Variants in PRKCD observed in about 807,000 individuals in gnomAD.
PRKCD encodes protein kinase C delta, also known as protein kinase C delta type.
In PRKCD, 20 loss-of-function variants were observed where a neutral mutation model predicts 82.2. The observed-to-expected ratio is 0.24, with a 90% CI of 0.17 to 0.35. The LOEUF is 0.35. Among genes scored for constraint, PRKCD ranks in the 10% least tolerant of loss-of-function variants. PRKCD has a pLI of 1.00. For missense variants in PRKCD, 607 were observed against 899.0 expected, an observed-to-expected ratio of 0.68 and a Z score of 4.15; for synonymous variants, 317 against 337.0, an observed-to-expected ratio of 0.94 and a Z score of 0.65.
intron 12 of PRKCD, 36 bp downstream of exon 12, chr3:53,186,063 C>G: frequency 1.9e-6 from 3 of 1,612,732 alleles, no homozygotes; most frequent in East Asian, 2.2e-5. Flanking sequence ...CTTCCCACCC[C>G]ACCCTGGCTT....
At chr3:53,179,062 C>T (rs1048170943) in intron 3 of PRKCD, among the ~76,000 whole-genome samples, 1 of 152,222 alleles carries the variant, frequency 6.6e-6, no homozygotes, top group East Asian at 1.9e-4. Flanking sequence ...CCTCAGGTCT[C>T]GGCTGAACTG....
intron 15 of PRKCD, 22 bp downstream of exon 15, chr3:53,187,424 GGGCTCTTGGGAGGGGA>G: frequency 6.2e-7 from 1 of 1,612,500 alleles, no homozygotes; most frequent in Non-Finnish European, 8.5e-7. Context: ...AGGGCAGCGG[GGGCTCTTGGGAGGGGA>G]GGCTCCAGCC....
At chr3:53,185,512 A>T in intron 10 of PRKCD, 92 bp from the exon 11 acceptor site, 2 of 1,050,964 alleles carry the variant, frequency 1.9e-6, no homozygotes, top group Non-Finnish European at 2.9e-6. Flanking sequence ...CTTGGTGTTA[A>T]GGGTGGAGTT....
chr3:53,172,540 C>T (rs1328998241), intron 2 of PRKCD, among the ~76,000 whole-genome samples: 1 of 152,218 alleles, frequency 6.6e-6, no homozygotes, highest in African/African-American at 2.4e-5. Flanking sequence ...GCAGAGTCTG[C>T]ATCCTTAGGA....
In PRKCD at chr3:53,183,181, C is replaced by A; in HGVS notation, c.632C>A (p.Thr211Asn). The part of the protein sequence containing the change: ...IDKIIGRCTG[T>N]AANSRDTIFQ... ...AAGATCATCGGCAGATGCACTGGCA[C>A]CGCGGCCAACAGCCGGGACACTATA... Residue 211 changes from threonine (T) to asparagine (N), a missense_variant, in exon 8 of 19, where the codon ACC becomes AAC. This residue lies in a region of PRKCD where 109 missense variants were observed against 155.6 expected (regional missense o/e 0.70). Coordinates refer to ENST00000330452, the MANE Select transcript of PRKCD (RefSeq NM_006254.4). 1 of 1,614,236 alleles carries A rather than the reference C, an allele frequency of 6.2e-7. No homozygotes were observed. The highest frequency in any genetic ancestry group is 8.5e-7 in the Non-Finnish European group (1 of 1,180,032).
chr3:53,179,471 C>A (rs782737013), intron 3 of PRKCD, 106 bp from the exon 4 acceptor site: 1 of 1,463,700 alleles, frequency 6.8e-7, no homozygotes, highest in Non-Finnish European at 9.6e-7. Context: ...AGCAGGCCCT[C>A]AAGGCAGGAG....
Position 53,184,955 on chromosome 3 carries a change from C to T in PRKCD, c.869C>T (p.Ala290Val), listed in dbSNP as rs1186631774. 1.9e-6 allele frequency: 3 copies of T among 1,613,880 alleles called. No homozygotes were observed. The highest frequency in any genetic ancestry group is 1.3e-5 in the African/African-American group (1 of 74,912). Residue 290 changes from alanine (A) to valine (V), a missense_variant, in exon 10 of 19, where the codon GCC (alanine) becomes GTC (valine). By Grantham distance (64) the Ala-to-Val change is moderately conservative. Coordinates refer to ENST00000330452, the MANE Select transcript of PRKCD (RefSeq NM_006254.4). ...ATCAACCAGAAGCTTTTGGCTGAGG[C>T]CTTGAACCAAGTCACCCAGGTGGGC... ...CGINQKLLAE[A>V]LNQVTQRASR...
intron 2 of PRKCD, among the ~76,000 whole-genome samples, chr3:53,172,235 G>T (rs1703057133): frequency 6.6e-6 from 1 of 152,038 alleles, no homozygotes; most frequent in South Asian, 2.1e-4. Context: ...TCCTCTTGCT[G>T]AGCCCACTTC....
At chr3:53,166,898 G>A (rs1702852184) in intron 2 of PRKCD, among the ~76,000 whole-genome samples, 1 of 152,266 alleles carries the variant, frequency 6.6e-6, no homozygotes, top group African/African-American at 2.4e-5. Flanking sequence ...GAGAGGCTGT[G>A]TCAGCTGTGC....
At chr3:53,172,476 C>T (rs1006266777) in intron 2 of PRKCD, among the ~76,000 whole-genome samples, 3 of 152,188 alleles carry the variant, frequency 2.0e-5, no homozygotes, top group East Asian at 3.9e-4. Flanking sequence ...GTCTCCTCCG[C>T]CCTCCTTTAT....
chr3:53,174,950 C>T (rs1703164801), intron 2 of PRKCD, among the ~76,000 whole-genome samples: 1 of 152,228 alleles, frequency 6.6e-6, no homozygotes, highest in Admixed American at 6.5e-5. Context: ...AGCTGGAGGG[C>T]CACCCTTGGG....
chr3:53,161,565 G>C (rs532686266), intron 1 of PRKCD, 137 bp downstream of exon 1: 16 of 151,146 alleles, frequency 1.1e-4, no homozygotes, highest in East Asian at 3.9e-4. Context: ...CCGCCGCGCC[G>C]AGACCTGCCG....
intron 1 of PRKCD, among the ~76,000 whole-genome samples, chr3:53,162,405 A>G (rs905008491): frequency 7.9e-5 from 12 of 152,066 alleles, no homozygotes; most frequent in Admixed American, 3.9e-4. Context: ...CCTGGTCAGA[A>G]GGATCTGCTG....
chr3:53,189,295 G>T (rs1553670281), intron 17 of PRKCD, 49 bp downstream of exon 17: 8 of 1,534,294 alleles, frequency 5.2e-6, no homozygotes, highest in Non-Finnish European at 7.0e-6. Context: ...GCTGGGGCAG[G>T]GGCTGGCAGA....
chr3:53,172,017 C>A (rs1218366875), intron 2 of PRKCD, among the ~76,000 whole-genome samples: 3 of 151,932 alleles, frequency 2.0e-5, no homozygotes, highest in South Asian at 2.1e-4. Context: ...GAGGGAGGGG[C>A]CCAGGAGGAG....
intron 7 of PRKCD, among the ~76,000 whole-genome samples, chr3:53,182,339 G>A (rs1703477860): frequency 1.3e-5 from 2 of 151,992 alleles, no homozygotes; most frequent in South Asian, 4.2e-4. Context: ...TGCGATCTCA[G>A]CTCACTGTAA....
rs944196725 is a variant in PRKCD, at chr3:53,169,581, G to A, written c.-20+4366G>A. On this transcript the variant is annotated intron_variant, in intron 2 of 18. Transcript: ENST00000330452. The surrounding 1 kb of genome is among the most constrained non-coding windows in gnomAD (Gnocchi z 4.7). ...GCCTGAGGCTAGATCAGATGTCTGC[G>A]TGGTGTAGGTTGTGGGCTGGGGTTG... Among the ~76,000 whole-genome samples, 2 of 152,148 alleles carry A rather than the reference G, an allele frequency of 1.3e-5. No individual in the cohort carries two copies. Among genetic ancestry groups the A allele is most frequent in the Non-Finnish European group, 2.9e-5 (2 of 68,010 alleles).
intron 2 of PRKCD, among the ~76,000 whole-genome samples, chr3:53,175,275 A>T (rs913683094): frequency 7.2e-5 from 11 of 152,186 alleles, no homozygotes; most frequent in African/African-American, 2.4e-4. Context: ...GGCAGGCGGA[A>T]TGGATGCGGT....
Position 53,179,590 on chromosome 3 carries a change from A to G in PRKCD, c.129A>G (p.Thr43=). Residue 43 remains threonine (T), a synonymous_variant, in exon 4 of 19, where the codon ACA becomes ACG. Coordinates refer to ENST00000330452, the MANE Select transcript of PRKCD (RefSeq NM_006254.4). ...KEALSTERGK[T]LVQKKPTMYP... ...GCCTTGTTGCAGAGCGTGGGAAAAC[A>G]CTGGTGCAGAAGAAGCCGACCATGT... The G allele has an allele frequency of 6.2e-7, 1 of 1,614,166 alleles. No homozygotes were observed. The highest frequency in any genetic ancestry group is 8.5e-7 in the Non-Finnish European group (1 of 1,180,024).
Sources: allele counts gnomAD v4.1 joint callset (sites outside exome capture counted in the v4.1 genomes callset), GRCh38; gene constraint gnomAD v4.1.1; regional missense constraint gnomAD v4.1.1; non-coding constraint Gnocchi (gnomAD v3.1); transcripts MANE v1.5; gene names NCBI Gene and HGNC (gene_info 2026-07-23, HGNC 2026-07-21).